Variants in MACROD2 observed in about 807,000 individuals in gnomAD.
MACROD2 encodes the protein mono-ADP ribosylhydrolase 2, also known as ADP-ribose glycohydrolase MACROD2.
A neutral mutation model predicts 70.4 loss-of-function variants in MACROD2; 36 were observed. The ratio of observed to expected loss-of-function variants is 0.51; its 90% CI spans 0.39 to 0.68. The LOEUF (loss-of-function observed/expected upper bound fraction) is 0.68, where lower values mean the gene tolerates loss of function less well. Ranked by LOEUF, MACROD2 falls within the 30% of genes least tolerant of loss-of-function variation. MACROD2 has a pLI of 0.00. For synonymous variants in MACROD2, 172 were observed against 178.8 expected (o/e 0.96, Z 0.30); for missense variants, 496 against 538.4 (o/e 0.92, Z 0.78).
rs147784264 is a variant in MACROD2 at position 15,477,259 on chromosome 20, G to T, written c.572-22515G>T. 9.8e-4 allele frequency among the ~76,000 whole-genome samples: 149 copies of T among 151,904 alleles called. 1 individual carries two copies. Among genetic ancestry groups the T allele is most frequent in the African/African-American group, 3.3e-3 (135 of 41,446 alleles). ...GGGACTACAGGCACGCACCACCATA[G>T]CAGGCAAACTTCTTTTGTATACATA... is the stretch of plus-strand genomic sequence containing the variant. On this transcript the variant is annotated intron_variant, in intron 7 of 17. Transcript: ENST00000684519.
intron 3 of MACROD2, among the ~76,000 whole-genome samples, chr20:14,255,549 G>A (rs139299201): frequency 0.015 from 2,300 of 151,838 alleles, 24 homozygotes; most frequent in African/African-American, 0.027. Flanking sequence ...GTGGGGGCAG[G>A]GGGGAGGGAT....
intron 4 of MACROD2, among the ~76,000 whole-genome samples, chr20:14,576,311 T>G (rs1174085989): frequency 6.6e-6 from 1 of 152,168 alleles, no homozygotes; most frequent in Non-Finnish European, 1.5e-5. Flanking sequence ...TCATGGATGA[T>G]TAAAGACAAA....
In MACROD2 at chr20:15,468,485, A is replaced by G. The variant is rs78581013; in HGVS notation, c.572-31289A>G. Among the ~76,000 whole-genome samples, 1,135 of 152,288 alleles carry G rather than the reference A, an allele frequency of 7.5e-3. 16 individuals carry two copies. The highest frequency in any genetic ancestry group is 0.025 in the African/African-American group (1,056 of 41,564). On this transcript the variant is annotated intron_variant, in intron 7 of 17. Coordinates refer to ENST00000684519, the MANE Select transcript of MACROD2 (RefSeq NM_001351661.2). The stretch of plus-strand genomic sequence containing the variant: ...TGCTTCAAATTACTTAGGATGTATT[A>G]TGGCATTATCTATGAAAACAGTTTG...
At chr20:14,043,605 A>T (rs1163302355) in intron 2 of MACROD2, among the ~76,000 whole-genome samples, 1 of 152,222 alleles carries the variant, frequency 6.6e-6, no homozygotes, top group African/African-American at 2.4e-5. Context: ...TGAGTGGGAA[A>T]ACCTAGAAAG....
chr20:15,759,232 G>C (rs920022575), intron 8 of MACROD2, among the ~76,000 whole-genome samples: 2 of 151,376 alleles, frequency 1.3e-5, no homozygotes, highest in Admixed American at 1.3e-4. Context: ...GCCTCTGTGG[G>C]AACCCGTTAA....
intron 8 of MACROD2, among the ~76,000 whole-genome samples, chr20:15,716,825 A>G (rs575553596): frequency 1.3e-5 from 2 of 152,326 alleles, no homozygotes; most frequent in East Asian, 3.9e-4. Context: ...TTACATGATT[A>G]GGAAAGGCTG....
chr20:15,088,920 CTG>C (rs1383331358), intron 5 of MACROD2, among the ~76,000 whole-genome samples: 5 of 151,890 alleles, frequency 3.3e-5, no homozygotes, highest in African/African-American at 7.3e-5. Context: ...TTATTAATGA[CTG>C]TTATTTTACA....
chr20:14,490,449 A>G (rs941912347), intron 3 of MACROD2, among the ~76,000 whole-genome samples: 1 of 152,180 alleles, frequency 6.6e-6, no homozygotes, highest in African/African-American at 2.4e-5. Context: ...GTAATGACTC[A>G]TTTTAGTTTT....
At chr20:14,061,161 A>G (rs779548957) in intron 2 of MACROD2, among the ~76,000 whole-genome samples, 5 of 152,130 alleles carry the variant, frequency 3.3e-5, no homozygotes, top group Non-Finnish European at 7.4e-5. Flanking sequence ...TTTGAAATGT[A>G]CTTTGAGATA....
intron 4 of MACROD2, among the ~76,000 whole-genome samples, chr20:14,582,901 C>G (rs1981129379): frequency 6.6e-6 from 1 of 152,160 alleles, no homozygotes; most frequent in African/African-American, 2.4e-5. Context: ...CACACTTACT[C>G]TGGGGCATAC....
intron 5 of MACROD2, among the ~76,000 whole-genome samples, chr20:15,211,404 G>T (rs2076762365): frequency 6.6e-6 from 1 of 152,164 alleles, no homozygotes; most frequent in Non-Finnish European, 1.5e-5. Context: ...ATGTGGTTTA[G>T]ATCTTTGTCC....
In MACROD2 at chr20:14,283,139, G is replaced by A. The variant is rs567052168; in HGVS notation, c.271+197411G>A. On this transcript the variant is annotated intron_variant, in intron 3 of 17. Coordinates refer to ENST00000684519, the MANE Select transcript of MACROD2 (RefSeq NM_001351661.2). ...CTGACATTTTGAATGCCATAGGCAT[G>A]TGGGAGCTTGGGATATACTATGATT... is the stretch of plus-strand genomic sequence containing the variant. Among the ~76,000 whole-genome samples the A allele has an allele frequency of 7.2e-5, 11 of 152,302 alleles. No homozygotes were observed. The East Asian group carries it at 1.9e-3, about 27-fold the overall frequency.
intron 5 of MACROD2, among the ~76,000 whole-genome samples, chr20:15,109,761 T>C (rs1336631484): frequency 6.6e-6 from 1 of 152,186 alleles, no homozygotes; most frequent in Non-Finnish European, 1.5e-5. Context: ...GCAGTTGACC[T>C]ACTTGGAGGG....
At chr20:15,668,695 G>A (rs530600498) in intron 8 of MACROD2, among the ~76,000 whole-genome samples, 4 of 152,294 alleles carry the variant, frequency 2.6e-5, no homozygotes, top group South Asian at 4.1e-4. Flanking sequence ...AAATTATCTC[G>A]ATTATGAAGA....
chr20:14,600,356 A>G (rs1353408674), intron 4 of MACROD2, among the ~76,000 whole-genome samples: 1 of 149,578 alleles, frequency 6.7e-6, no homozygotes, highest in Admixed American at 6.7e-5. Context: ...ACACACACAC[A>G]CACACACACA....
intron 5 of MACROD2, among the ~76,000 whole-genome samples, chr20:15,018,020 A>G (rs974942378): frequency 8.5e-5 from 13 of 152,198 alleles, no homozygotes; most frequent in African/African-American, 2.7e-4. Context: ...TAGGCTCCTT[A>G]CTACTTATGC....
chr20:15,575,383 A>G (rs1287667656), intron 8 of MACROD2, among the ~76,000 whole-genome samples: 1 of 152,144 alleles, frequency 6.6e-6, no homozygotes, highest in African/African-American at 2.4e-5. Context: ...ATGAATGAAT[A>G]CCATGAATGA....
chr20:15,401,826 G>A lies in MACROD2; in HGVS notation c.541-29579G>A, dbSNP rs79204602. Reference sequence around the variant, plus strand: ...CAGAGCTGGACAAAGGTGACCAGGCGGTCAGATGGAGACCTTGGGGGAATG... The same window carrying A: ...CAGAGCTGGACAAAGGTGACCAGGCAGTCAGATGGAGACCTTGGGGGAATG... On this transcript the variant is annotated intron_variant, in intron 6 of 17. Transcript: ENST00000684519. 4.0e-3 allele frequency among the ~76,000 whole-genome samples: 608 copies of A among 152,270 alleles called. 5 individuals are homozygous for A. The highest frequency in any genetic ancestry group is 0.014 in the African/African-American group (583 of 41,534).
chr20:15,064,809 A>C (rs2075560887), intron 5 of MACROD2, among the ~76,000 whole-genome samples: 1 of 152,178 alleles, frequency 6.6e-6, no homozygotes, highest in Non-Finnish European at 1.5e-5. Context: ...TTTGTGTTGT[A>C]TGCACTTATG....
Sources: allele counts gnomAD v4.1 joint callset (sites outside exome capture counted in the v4.1 genomes callset), GRCh38; gene constraint gnomAD v4.1.1; transcripts MANE v1.5; gene names NCBI Gene and HGNC (gene_info 2026-07-23, HGNC 2026-07-21).